The following UNC79 variants were observed in gnomAD, a reference collection of about 807,000 sequenced individuals.
The protein encoded by UNC79 is unc-79 subunit of NALCN channel complex.
Under a neutral mutation model 283.1 loss-of-function variants are expected in UNC79, and 37 were observed. The ratio of observed to expected loss-of-function variants is 0.13; its 90% CI spans 0.10 to 0.17. The LOEUF is 0.17. Among genes scored for constraint, UNC79 ranks in the 10% least tolerant of loss-of-function variants. The probability of loss-of-function intolerance (pLI) is 1.00; values close to 1 mark genes in which losing one functional copy is unlikely to be tolerated. For missense variants in UNC79, 2,272 were observed against 3,211.1 expected (o/e 0.71, Z 7.07); for synonymous variants, 1,107 against 1,200.2 (o/e 0.92, Z 1.61).
intron 1 of UNC79, among the ~76,000 whole-genome samples, chr14:93,451,924 C>A (rs563348409): frequency 1.3e-5 from 2 of 152,278 alleles, no homozygotes; most frequent in Admixed American, 6.5e-5. Context: ...TTTGTGTTTT[C>A]TTGCCTTGTC....
At chr14:93,627,798 A>C (rs1287771606) in intron 30 of UNC79, among the ~76,000 whole-genome samples, 1 of 152,244 alleles carries the variant, frequency 6.6e-6, no homozygotes, top group Non-Finnish European at 1.5e-5. Context: ...ATTTTTACTC[A>C]TATGAAAATA....
At chr14:93,662,533 T>C (rs2071708327) in intron 39 of UNC79, 71 bp from the exon 43 acceptor site, 5 of 1,074,036 alleles carry the variant, frequency 4.7e-6, no homozygotes, top group African/African-American at 3.2e-5. Context: ...TAAAGTATCA[T>C]AAGATTTTAA....
intron 7 of UNC79, among the ~76,000 whole-genome samples, chr14:93,522,505 AATTC>A (rs1160511437): frequency 7.2e-5 from 11 of 152,114 alleles, no homozygotes; most frequent in African/African-American, 2.7e-4. Flanking sequence ...ATGTTTTTGC[AATTC>A]ATGTACTGGT....
chr14:93,680,503 T>C lies in UNC79; in HGVS notation c.6742-2114T>C, dbSNP rs1566913719. On this transcript the variant is annotated intron_variant, in intron 41 of 48. Transcript: ENST00000555664. ...ATCATTTCTGATGTAAATAACTTAA[T>C]TAAAATTAATGCTGTTGTCCTCACA... Among the ~76,000 whole-genome samples the C allele has an allele frequency of 3.9e-5, 6 of 152,242 alleles. No homozygotes were observed. In the South Asian group the frequency reaches 1.2e-3, roughly 31 times the overall value.
chr14:93,690,355 A>G lies in UNC79; in HGVS notation c.7272+52A>G. The stretch of plus-strand genomic sequence containing the variant: ...CGTATGCATCGCAATTGCTAATGGA[A>G]ACCTTATCAGCCAATTATGTTTCTT... On this transcript the variant is annotated intron_variant, in intron 45 of 48. Transcript: ENST00000555664. This position sits in a 1 kb window ranked among gnomAD's most constrained non-coding sequence, Gnocchi z 4.3. 1 of 1,558,884 alleles carries G rather than the reference A, an allele frequency of 6.4e-7. No individual in the cohort carries two copies. Among genetic ancestry groups the G allele is most frequent in the Non-Finnish European group, 8.7e-7 (1 of 1,147,000 alleles).
At chr14:93,384,361 G>GCCC in intron 1 of UNC79, among the ~76,000 whole-genome samples, 1 of 152,148 alleles carries the variant, frequency 6.6e-6, no homozygotes, top group South Asian at 2.1e-4. Context: ...TCCAGCATTT[G>GCCC]TTATTGTCTA....
chr14:93,443,916 T>C (rs1330718076), intron 1 of UNC79, among the ~76,000 whole-genome samples: 1 of 152,224 alleles, frequency 6.6e-6, no homozygotes, highest in Non-Finnish European at 1.5e-5. Flanking sequence ...TTTGCATACC[T>C]GGTTTCATGT....
At chr14:93,568,662 A>G (rs952724433) in intron 14 of UNC79, among the ~76,000 whole-genome samples, 17 of 151,820 alleles carry the variant, frequency 1.1e-4, no homozygotes, top group African/African-American at 3.4e-4. Context: ...CAGGAGCGAA[A>G]CTCCGTCTCA....
intron 1 of UNC79, among the ~76,000 whole-genome samples, chr14:93,383,912 A>ACT (rs56173553): frequency 0.95 from 144,217 of 152,144 alleles, 68,469 homozygotes; most frequent in East Asian, 1. Flanking sequence ...CCCTGCACAA[A>ACT]CTCTGTCTGC....
At chr14:93,570,527 T>C (rs528807700) in intron 14 of UNC79, among the ~76,000 whole-genome samples, 4 of 152,356 alleles carry the variant, frequency 2.6e-5, no homozygotes, top group African/African-American at 9.6e-5. Context: ...GACTGGACTA[T>C]CAGCCTTCCC....
At chr14:93,392,696 C>T (rs549585329) in intron 1 of UNC79, among the ~76,000 whole-genome samples, 21 of 152,252 alleles carry the variant, frequency 1.4e-4, no homozygotes, top group South Asian at 1.0e-3. Flanking sequence ...GTTCCTTAAT[C>T]GGCATCTTCT....
At chr14:93,511,593 A>G (rs1289383903) in intron 7 of UNC79, among the ~76,000 whole-genome samples, 2 of 152,052 alleles carry the variant, frequency 1.3e-5, no homozygotes, top group Admixed American at 6.6e-5. Context: ...TATTACAGGC[A>G]TGTGCCACCA....
At chr14:93,631,926 A>G (rs1286050009) in intron 31 of UNC79, among the ~76,000 whole-genome samples, 2 of 152,240 alleles carry the variant, frequency 1.3e-5, no homozygotes, top group African/African-American at 4.8e-5. Context: ...GCTACTATCT[A>G]TTTAACATCT....
At chr14:93,489,465 A>T (rs945353681) in intron 5 of UNC79, among the ~76,000 whole-genome samples, 1 of 152,220 alleles carries the variant, frequency 6.6e-6, no homozygotes, top group Non-Finnish European at 1.5e-5. Context: ...GAAATCAAAC[A>T]AGTTATATGC....
At chr14:93,683,204 C>G (rs1287325177) in intron 42 of UNC79, among the ~76,000 whole-genome samples, 1 of 151,928 alleles carries the variant, frequency 6.6e-6, no homozygotes, top group Non-Finnish European at 1.5e-5. Flanking sequence ...TTCTCAACGA[C>G]TTATGAAAGT....
chr14:93,466,913 G>A (rs2057209918), intron 1 of UNC79: 7 of 985,278 alleles, frequency 7.1e-6, no homozygotes, highest in Non-Finnish European at 8.4e-6. Context: ...GGTCTAGGAG[G>A]GTAAATAAAT....
chr14:93,547,478 C>A (rs1286474853), intron 14 of UNC79, among the ~76,000 whole-genome samples: 3 of 152,114 alleles, frequency 2.0e-5, no homozygotes, highest in Non-Finnish European at 2.9e-5. Flanking sequence ...CAAAAGTTAT[C>A]AGAAATGTCA....
chr14:93,664,659 A>G (rs2071972728), intron 40 of UNC79, among the ~76,000 whole-genome samples: 1 of 152,200 alleles, frequency 6.6e-6, no homozygotes, highest in African/African-American at 2.4e-5. Flanking sequence ...GGGAACTGGG[A>G]GAAAGATTTA....
At chr14:93,669,365 A>G (rs2072585147) in intron 40 of UNC79, among the ~76,000 whole-genome samples, 1 of 152,282 alleles carries the variant, frequency 6.6e-6, no homozygotes, top group Non-Finnish European at 1.5e-5. Context: ...CCCAGCACTG[A>G]TGGCCATTTT....
Sources: gnomAD v4.1 joint callset for allele counts (sites outside exome capture counted in the v4.1 genomes callset) on GRCh38, gnomAD v4.1.1 for gene constraint, Gnocchi (gnomAD v3.1) non-coding constraint, MANE v1.5 for transcripts, NCBI Gene and HGNC (gene_info 2026-07-23, HGNC 2026-07-21) for gene names.